PRH1: variants seen among roughly 807,000 people sequenced by gnomAD.
The protein encoded by PRH1 is proline rich protein HaeIII subfamily 1.
In PRH1, 7 loss-of-function variants were observed where a neutral mutation model predicts 7.9. The ratio of observed to expected loss-of-function variants is 0.89; its 90% CI spans 0.50 to 1.67. The LOEUF is 1.67. Ranked by LOEUF, PRH1 falls within the 40% of genes most tolerant of loss-of-function variation. PRH1 has a pLI of 0.00. For synonymous variants in PRH1, 45 were observed against 80.8 expected (o/e 0.56, Z 2.38); for missense variants, 109 against 223.6 (o/e 0.49, Z 3.27).
intron 1 of PRH1, among the ~76,000 whole-genome samples, chr12:11,089,415 C>A (rs1944807155): frequency 1.3e-5 from 1 of 79,044 alleles, no homozygotes; most frequent in African/African-American, 3.6e-5. Flanking sequence ...CCCTGTAGCC[C>A]TTCTGGAAAA....
chr12:11,087,530 GAC>G (rs1432080858), intron 1 of PRH1, among the ~76,000 whole-genome samples: 1 of 115,486 alleles, frequency 8.7e-6, no homozygotes, highest in African/African-American at 2.9e-5. Context: ...CAGCTGGCAG[GAC>G]ACTCACATTA....
intron 1 of PRH1, among the ~76,000 whole-genome samples, chr12:11,054,945 A>G (rs546695387): frequency 6.7e-6 from 1 of 149,226 alleles, no homozygotes; most frequent in East Asian, 2.0e-4. Flanking sequence ...GCTCCGCCTC[A>G]CTGCAAGCTC....
In PRH1 at chr12:11,007,414, C is replaced by T. The variant is rs374847997; in HGVS notation, c.-125-33693G>A. ...AGGTGGAATTAGTTCTGTTTTCCCACTCAGGGTTTTCAGACCAGAATAATA... is the reference window on the plus strand; with the variant it reads ...AGGTGGAATTAGTTCTGTTTTCCCATTCAGGGTTTTCAGACCAGAATAATA... On this transcript the variant is annotated intron_variant, in intron 1 of 3. Transcript: ENST00000539853. 1.1e-4 allele frequency among the ~76,000 whole-genome samples: 16 copies of T among 152,226 alleles called. No individual in the cohort carries two copies. The East Asian group carries it at 1.2e-3, about 11-fold the overall frequency.
chr12:10,892,998 T>C (rs1194805902), intron 2 of PRH1, among the ~76,000 whole-genome samples: 1 of 152,232 alleles, frequency 6.6e-6, no homozygotes, highest in Non-Finnish European at 1.5e-5. Flanking sequence ...GGAAGGCAGC[T>C]GGTGTGTGTG....
intron 1 of PRH1, among the ~76,000 whole-genome samples, chr12:11,058,736 C>A (rs1943469183): frequency 7.7e-6 from 1 of 129,278 alleles, no homozygotes; most frequent in Admixed American, 8.2e-5. Context: ...CTCTGACAAG[C>A]CTGTGGGAGA....
chr12:10,954,208 C>T (rs1292068493), intron 2 of PRH1, among the ~76,000 whole-genome samples: 1 of 152,164 alleles, frequency 6.6e-6, no homozygotes, highest in Non-Finnish European at 1.5e-5. Flanking sequence ...AGAAACCAGT[C>T]TGCATGATAA....
intron 2 of PRH1, among the ~76,000 whole-genome samples, chr12:10,967,763 A>C (rs763391324): frequency 1.3e-5 from 2 of 152,236 alleles, no homozygotes. Context: ...TAGTACCTCA[A>C]TTACAAATAC....
chr12:11,171,228 G>T (rs921238617), intron 1 of PRH1: 20 of 531,412 alleles, frequency 3.8e-5, no homozygotes, highest in African/African-American at 3.9e-5. Flanking sequence ...CGGCGGCAGC[G>T]GCAAGCTTGG....
chr12:11,163,778 A>G (rs1289714084), intron 1 of PRH1, among the ~76,000 whole-genome samples: 2 of 152,204 alleles, frequency 1.3e-5, no homozygotes, highest in South Asian at 2.1e-4. Context: ...ATCTAGATAC[A>G]ATGTGTGTAT....
At chr12:10,974,518 CT>C (rs1331778043) in intron 1 of PRH1, among the ~76,000 whole-genome samples, 1 of 152,118 alleles carries the variant, frequency 6.6e-6, no homozygotes, top group African/African-American at 2.4e-5. Flanking sequence ...CGCGGGAGTG[CT>C]GAGCTGATCC....
At chr12:11,009,048 A>G (rs1940956830) in intron 1 of PRH1, among the ~76,000 whole-genome samples, 1 of 151,994 alleles carries the variant, frequency 6.6e-6, no homozygotes. Flanking sequence ...CTATTATTTT[A>G]GATGGTAAAC....
intron 2 of PRH1, chr12:10,939,198 C>A: frequency 6.4e-7 from 1 of 1,563,574 alleles, no homozygotes; most frequent in Non-Finnish European, 8.6e-7. Flanking sequence ...CTCTTTATGA[C>A]ACCACCCATT....
intron 2 of PRH1, among the ~76,000 whole-genome samples, chr12:10,898,137 T>G (rs1949675058): frequency 1.3e-5 from 2 of 152,204 alleles, no homozygotes; most frequent in South Asian, 4.1e-4. Context: ...TTTCATACGT[T>G]GAGCTGAACT....
Position 11,044,424 on chromosome 12 carries a change from C to A in PRH1, c.-126+2596G>T, listed in dbSNP as rs144898923. ...ACCCCACAAGCACAGGGAACCAAGT[C>A]AAAAATGCACAATTGGGATGACATC... On this transcript the variant is annotated intron_variant, in intron 1 of 3. Transcript: ENST00000539853. Among the ~76,000 whole-genome samples, 199 of 152,048 alleles carry A rather than the reference C, an allele frequency of 1.3e-3. 4 individuals are homozygous for A. In the East Asian group the frequency reaches 0.026, roughly 20 times the overall value.
At chr12:11,059,219 T>A (rs909730027) in intron 1 of PRH1, among the ~76,000 whole-genome samples, 1 of 152,102 alleles carries the variant, frequency 6.6e-6, no homozygotes, top group Admixed American at 6.5e-5. Context: ...GTAGCCCTTC[T>A]GGAAAAGTGC....
At chr12:11,032,805 G>T (rs1942284595) in intron 1 of PRH1, among the ~76,000 whole-genome samples, 1 of 152,164 alleles carries the variant, frequency 6.6e-6, no homozygotes, top group Non-Finnish European at 1.5e-5. Context: ...CAGGAAGACT[G>T]ACTACCTTGC....
chr12:11,146,477 TC>T (rs1946864833), intron 1 of PRH1, among the ~76,000 whole-genome samples: 1 of 152,136 alleles, frequency 6.6e-6, no homozygotes, highest in Non-Finnish European at 1.5e-5. Flanking sequence ...ATCCATATAT[TC>T]CTAGTTTTAA....
intron 1 of PRH1, among the ~76,000 whole-genome samples, chr12:11,086,017 G>A (rs546826223): frequency 7.3e-6 from 1 of 137,780 alleles, no homozygotes; most frequent in South Asian, 2.2e-4. Context: ...GGAAGCCCAG[G>A]AAGGCCAATA....
At chr12:11,022,136 C>A in intron 1 of PRH1, 1 of 1,613,822 alleles carries the variant, frequency 6.2e-7, no homozygotes, top group Non-Finnish European at 8.5e-7. Flanking sequence ...ATGGTTATCA[C>A]AGCAAGATTA....
Sources: allele counts gnomAD v4.1 joint callset (sites outside exome capture counted in the v4.1 genomes callset), GRCh38; gene constraint gnomAD v4.1.1; transcripts MANE v1.5; gene names NCBI Gene and HGNC (gene_info 2026-07-23, HGNC 2026-07-21).